RAB31: variants seen among roughly 807,000 people sequenced by gnomAD.
RAB31 encodes the protein ras-related protein Rab-31.
RAB31 carries 21 observed loss-of-function variants against 25.6 expected under a neutral mutation model. The observed-to-expected ratio is 0.82, with a 90% CI of 0.58 to 1.18. The LOEUF is 1.18. RAB31 is among the 50% of genes most tolerant of loss of function. RAB31 has a pLI of 0.00. For synonymous variants in RAB31, 87 were observed against 84.0 expected, an observed-to-expected ratio of 1.04 and a Z score of -0.20; for missense variants, 196 against 250.1, an observed-to-expected ratio of 0.78 and a Z score of 1.46.
At chr18:9,857,895 T>C (rs1396767668) in intron 6 of RAB31, among the ~76,000 whole-genome samples, 1 of 150,370 alleles carries the variant, frequency 6.7e-6, no homozygotes, top group African/African-American at 2.4e-5. Flanking sequence ...CGGGGCATGG[T>C]GGCGCACACC....
intron 2 of RAB31, among the ~76,000 whole-genome samples, chr18:9,779,949 TG>T (rs1432307610): frequency 6.6e-6 from 1 of 151,954 alleles, no homozygotes; most frequent in African/African-American, 2.4e-5. Context: ...CTGAGGCAGG[TG>T]GAACATTTGA....
intron 1 of RAB31, among the ~76,000 whole-genome samples, chr18:9,710,859 A>G (rs1365031577): frequency 1.3e-5 from 2 of 152,146 alleles, no homozygotes; most frequent in African/African-American, 2.4e-5. Flanking sequence ...CTCTATCTCA[A>G]AGAAAAGAAA....
rs142011005 is a variant in RAB31 at position 9,791,558 on chromosome 18, C to A, written c.120-596C>A. ...GACTACAGGCACCCGCCACCATGCC[C>A]GGCTAATTTTTGTTTTATTTTTATT... On this transcript the variant is annotated intron_variant, in intron 2 of 6. Transcript: ENST00000578921. Among the ~76,000 whole-genome samples the A allele has an allele frequency of 8.0e-3, 1,210 of 151,170 alleles. 15 individuals carry two copies. The highest frequency in any genetic ancestry group is 0.028 in the African/African-American group (1,151 of 41,256).
chr18:9,857,689 TA>T (rs1410660820), intron 6 of RAB31, among the ~76,000 whole-genome samples: 14,342 of 104,910 alleles, frequency 0.14, 685 homozygotes, highest in East Asian at 0.2. Flanking sequence ...AGATAGATGA[TA>T]GATAGATAGA....
chr18:9,709,144 G>T (rs2068002927), intron 1 of RAB31, among the ~76,000 whole-genome samples: 1 of 152,134 alleles, frequency 6.6e-6, no homozygotes, highest in Non-Finnish European at 1.5e-5. Flanking sequence ...CTAAAGTGGG[G>T]TTTTCTCCGC....
intron 1 of RAB31, among the ~76,000 whole-genome samples, chr18:9,743,917 C>T (rs1191895033): frequency 6.6e-6 from 1 of 152,216 alleles, no homozygotes; most frequent in African/African-American, 2.4e-5. Context: ...CACTGTCATC[C>T]CCTCACCCAT....
chr18:9,734,412 A>G (rs897704195), intron 1 of RAB31, among the ~76,000 whole-genome samples: 4 of 152,276 alleles, frequency 2.6e-5, no homozygotes, highest in Non-Finnish European at 2.9e-5. Context: ...TTTCCTGAAC[A>G]CGGACAGGAA....
At chr18:9,800,267 A>G (rs2267568) in intron 3 of RAB31, among the ~76,000 whole-genome samples, 9,455 of 152,194 alleles carry the variant, frequency 0.062, 389 homozygotes, top group East Asian at 0.11. Flanking sequence ...CTCTTGCTCT[A>G]TATACCATGG....
At chr18:9,814,136 C>A (rs373070007) in intron 4 of RAB31, 45 bp downstream of exon 4, 22 of 1,412,470 alleles carry the variant, frequency 1.6e-5, no homozygotes, top group African/African-American at 4.2e-5. Flanking sequence ...TATGGTGGTT[C>A]TCTCACTTAG....
rs2068314575 is a variant in RAB31, at chr18:9,766,091, C to T, written c.40-9187C>T. 6.6e-6 allele frequency among the ~76,000 whole-genome samples: 1 copy of T among 152,136 alleles called. No individual in the cohort carries two copies. The highest frequency in any genetic ancestry group is 2.1e-4 in the South Asian group (1 of 4,828). On this transcript the variant is annotated intron_variant, in intron 1 of 6. Transcript: ENST00000578921. The surrounding 1 kb of genome is among the most constrained non-coding windows in gnomAD (Gnocchi z 4.3). ...GAAATCGAAAAGGGAAGGTGCAGTG[C>T]TTCCTGGATTGAGCTTCCTGAGCCC...
intron 1 of RAB31, among the ~76,000 whole-genome samples, chr18:9,761,497 C>T (rs745920430): frequency 6.6e-6 from 1 of 152,164 alleles, no homozygotes; most frequent in South Asian, 2.1e-4. Context: ...GATTATGTCA[C>T]GGGTTTTGTG....
At chr18:9,855,106 T>A (rs1444371077) in intron 6 of RAB31, among the ~76,000 whole-genome samples, 1 of 152,178 alleles carries the variant, frequency 6.6e-6, no homozygotes, top group Non-Finnish European at 1.5e-5. Flanking sequence ...TTATTTTTGT[T>A]GTGTGTAAAT....
At chr18:9,817,501 T>C (rs1030300784) in intron 5 of RAB31, among the ~76,000 whole-genome samples, 1 of 152,132 alleles carries the variant, frequency 6.6e-6, no homozygotes, top group Non-Finnish European at 1.5e-5. Flanking sequence ...ATTCTCTTCG[T>C]TTCCAGTCTA....
chr18:9,715,518 C>G (rs1850446811), intron 1 of RAB31, among the ~76,000 whole-genome samples: 1 of 140,768 alleles, frequency 7.1e-6, no homozygotes, highest in African/African-American at 2.6e-5. Context: ...TCCTTTGTCT[C>G]TCTCTCTCTC....
chr18:9,792,198 A>T lies in RAB31; in HGVS notation c.164A>T (p.His55Leu), dbSNP rs996505447. 4 of 1,612,628 alleles carry T rather than the reference A, an allele frequency of 2.5e-6. No homozygotes were observed. The South Asian group carries it at 4.4e-5, about 18-fold the overall frequency. Residue 55 changes from histidine to leucine, a missense_variant, in exon 3 of 7, where the codon CAC becomes CTC. Physicochemically the swap from His to Leu is moderately conservative, Grantham distance 99 (BLOSUM62 -3). Transcript: ENST00000578921. ...ACTGTGCCTTGTGGAAATGAACTTC[A>T]CAAGTTCCTCATCTGGGACACTGCT... Reference protein sequence around the residue: ...TKTVPCGNELHKFLIWDTAGQ... With the variant: ...TKTVPCGNELLKFLIWDTAGQ...
chr18:9,846,346 G>A (rs2068761911), intron 6 of RAB31, among the ~76,000 whole-genome samples: 1 of 152,192 alleles, frequency 6.6e-6, no homozygotes, highest in Admixed American at 6.5e-5. Flanking sequence ...GCAGCTGTGA[G>A]GCTTCCAGCT....
At chr18:9,741,334 G>T (rs1202067082) in intron 1 of RAB31, among the ~76,000 whole-genome samples, 1 of 126,516 alleles carries the variant, frequency 7.9e-6, no homozygotes, top group Non-Finnish European at 1.5e-5. Flanking sequence ...CCGAGATAAC[G>T]CTACTGCACT....
chr18:9,835,782 T>A (rs1024946561), intron 5 of RAB31, among the ~76,000 whole-genome samples: 4 of 152,224 alleles, frequency 2.6e-5, no homozygotes, highest in Admixed American at 2.6e-4. Flanking sequence ...AAAATCCAAG[T>A]GTCTGTAAGA....
intron 5 of RAB31, among the ~76,000 whole-genome samples, chr18:9,832,439 C>A (rs1424476729): frequency 6.6e-6 from 1 of 152,178 alleles, no homozygotes; most frequent in Non-Finnish European, 1.5e-5. Context: ...CAGGGGCAAA[C>A]CGTGGACGAT....
Sources: allele counts gnomAD v4.1 joint callset (sites outside exome capture counted in the v4.1 genomes callset), GRCh38; gene constraint gnomAD v4.1.1; non-coding constraint Gnocchi (gnomAD v3.1); transcripts MANE v1.5; gene names NCBI Gene and HGNC (gene_info 2026-07-23, HGNC 2026-07-21).